CENPI: variants seen among roughly 807,000 people sequenced by gnomAD.
The protein encoded by CENPI is centromere protein I.
CENPI carries 4 observed loss-of-function variants against 60.4 expected under a neutral mutation model. The ratio of observed to expected loss-of-function variants is 0.07; its 90% CI spans 0.03 to 0.15. CENPI has a LOEUF of 0.15. CENPI is among the 10% of genes least tolerant of loss of function. CENPI has a pLI of 1.00. For missense variants in CENPI, 444 were observed against 534.5 expected (o/e 0.83, Z 1.67); for synonymous variants, 157 against 189.4 (o/e 0.83, Z 1.40).
At position 101,102,492 on chromosome X, in the gene CENPI, T is replaced by TACACACACACACACAC. The variant is rs199742109; in HGVS notation, c.364+82_364+83insCACACACACACACACA. On this transcript the variant is annotated intron_variant, in intron 4 of 21. Transcript: ENST00000682095. ...TTCTTTTAAAAATAAATCTTATATATATATACACACACACACACACACACA... is the reference window on the plus strand; with the variant it reads ...TTCTTTTAAAAATAAATCTTATATATACACACACACACACACATATACACACACACACACACACACA... The TACACACACACACACAC allele has an allele frequency of 2.0e-3, 591 of 301,006 alleles. 21 individuals carry two copies. The highest frequency in any genetic ancestry group is 2.8e-3 in the South Asian group (38 of 13,369). The allele number at this position is 301,006 out of a possible 1,213,427, so 24.8% of individuals were successfully genotyped here.
rs957837522 is a variant in CENPI at position 101,098,427 on chromosome X, C to T, written c.-109-17C>T. ...CTGGGTGGGGTCAGAAGCTGCTCCC[C>T]TGCCCTTCTTTCCTAGGAACCTAGG... On this transcript the variant is annotated splice_polypyrimidine_tract_variant and intron_variant, in intron 1 of 21. Coordinates refer to ENST00000682095, the MANE Select transcript of CENPI (RefSeq NM_001386188.2). The T allele has an allele frequency of 9.0e-6, 1 of 111,171 alleles. No homozygotes were observed. The highest frequency in any genetic ancestry group is 1.9e-5 in the Non-Finnish European group (1 of 53,049). 9.2% of individuals were successfully genotyped at this position (111,171 alleles called of 1,213,427 possible). A position where few individuals can be genotyped will look rare whatever the true frequency, so the allele number is the denominator to read the frequency against.
chrX:101,179,308 T>C, the CENPI span, among the ~76,000 whole-genome samples: 1 of 112,488 alleles, frequency 8.9e-6, no homozygotes, highest in East Asian at 2.8e-4. Flanking sequence ...TCACTTAGCA[T>C]GATGTTTTCA....
At chrX:101,179,363 T>A in the CENPI span, among the ~76,000 whole-genome samples, 3 of 112,835 alleles carry the variant, frequency 2.7e-5, no homozygotes, top group Non-Finnish European at 5.6e-5. Flanking sequence ...CATTCCTTTT[T>A]ATGGCTGAAT....
At chrX:101,128,922 C>T in intron 12 of CENPI, 86 bp downstream of exon 12, 3 of 776,226 alleles carry the variant, frequency 3.9e-6, no homozygotes, top group Non-Finnish European at 5.7e-6. Context: ...CAGGAGCCTT[C>T]ATATGCTGTA....
At chrX:101,161,401 C>A in intron 20 of CENPI, 127 bp from the exon 21 acceptor site, 1 of 546,180 alleles carries the variant, frequency 1.8e-6, no homozygotes, top group Non-Finnish European at 3.1e-6. Context: ...TAGAACTTTG[C>A]AAATGAGCAA....
Position 101,145,156 on chromosome X carries a change from A to G in CENPI, c.1658A>G (p.Asn553Ser). The part of the protein sequence containing the change: ...LSTTAMRLES[N>S]NTFLLHFILD... ...ACTACTGCAATGCGCTTGGAGAGCAACAATACTTTCTTGCTGCACTTTATT... is the reference window on the plus strand; with the variant it reads ...ACTACTGCAATGCGCTTGGAGAGCAGCAATACTTTCTTGCTGCACTTTATT... The change falls in exon 17 of 22, where the codon AAC (asparagine) becomes AGC (serine). Residue 553 changes from asparagine (N) to serine (S), a missense_variant. By Grantham distance (46) the Asn-to-Ser change is conservative (BLOSUM62 1). Coordinates refer to ENST00000682095, the MANE Select transcript of CENPI (RefSeq NM_001386188.2). 2 of 1,208,179 alleles carry G rather than the reference A, an allele frequency of 1.7e-6. No homozygotes were observed. Among genetic ancestry groups the G allele is most frequent in the East Asian group, 3.0e-5 (1 of 33,809 alleles).
At chrX:101,172,079 T>C in the CENPI span, among the ~76,000 whole-genome samples, 1 of 112,007 alleles carries the variant, frequency 8.9e-6, no homozygotes, top group East Asian at 2.8e-4. Context: ...AGTCATTAGG[T>C]AAATTCAAAT....
downstream of CENPI, among the ~76,000 whole-genome samples, chrX:101,169,068 ATC>A (rs1163389532): frequency 1.8e-5 from 2 of 112,270 alleles, no homozygotes; most frequent in East Asian, 5.6e-4. Context: ...CAATGATTGT[ATC>A]AATAAAGTAT....
rs1449860208 is a variant in CENPI at position 101,132,310 on chromosome X, A to G, written c.1405+3A>G. The stretch of plus-strand genomic sequence containing the variant: ...GATTCCTTTTAGTAGCTTCTCTGGT[A>G]TGTATCATGAAAATTTGGAGTCATT... On this transcript the variant is annotated splice_donor_region_variant and intron_variant, in intron 14 of 21. Transcript: ENST00000682095. 5 of 1,190,534 alleles carry G rather than the reference A, an allele frequency of 4.2e-6. No homozygotes were observed. The highest frequency in any genetic ancestry group is 5.7e-6 in the Non-Finnish European group (5 of 878,331).
rs768123006 is a variant in CENPI, at chrX:101,162,823, G to C, written c.2137-10G>C. On this transcript the variant is annotated splice_polypyrimidine_tract_variant and intron_variant, in intron 21 of 21. Transcript: ENST00000682095. Reference sequence around the variant, plus strand: ...TTCGATAAGTAATTTTCCTTTTTCTGTGCCTGCAGGGAAAGAAATGGAGCT... The same window carrying C: ...TTCGATAAGTAATTTTCCTTTTTCTCTGCCTGCAGGGAAAGAAATGGAGCT... 1.1e-5 allele frequency: 13 copies of C among 1,208,581 alleles called. No individual in the cohort carries two copies. Among genetic ancestry groups the C allele is most frequent in the Middle Eastern group, 2.3e-4 (1 of 4,347 alleles).
At chrX:101,122,526 C>T (rs1157212047) in intron 8 of CENPI, among the ~76,000 whole-genome samples, 3 of 111,490 alleles carry the variant, frequency 2.7e-5, no homozygotes, top group Non-Finnish European at 5.6e-5. Flanking sequence ...AAAAAATGTA[C>T]CTTTTCCCAT....
At chrX:101,115,453 G>A (rs1007537823) in intron 6 of CENPI, among the ~76,000 whole-genome samples, 2 of 110,037 alleles carry the variant, frequency 1.8e-5, no homozygotes, top group Admixed American at 2.0e-4. Flanking sequence ...AATTTATTTC[G>A]CATATCATAC....
At chrX:101,125,732 G>A (rs1213799033) in intron 8 of CENPI, among the ~76,000 whole-genome samples, 1 of 111,601 alleles carries the variant, frequency 9.0e-6, no homozygotes, top group Non-Finnish European at 1.9e-5. Flanking sequence ...TTTAAATGGG[G>A]CTTTGGGAGA....
At chrX:101,160,120 G>T (rs1408103546) in intron 20 of CENPI, among the ~76,000 whole-genome samples, 4 of 111,955 alleles carry the variant, frequency 3.6e-5, no homozygotes, top group Non-Finnish European at 5.6e-5. Flanking sequence ...AGGAGTCATG[G>T]CATATTTGTC....
In CENPI at chrX:101,102,650, C is replaced by T. The variant is rs767759498; in HGVS notation, c.364+239C>T. On this transcript the variant is annotated intron_variant, in intron 4 of 21. Transcript: ENST00000682095. Reference sequence around the variant, plus strand: ...TGCTGGGATTATAGGCTTGAGCCACCGCACCTGGCTCGAGGGGGATGTTGT... The same window carrying T: ...TGCTGGGATTATAGGCTTGAGCCACTGCACCTGGCTCGAGGGGGATGTTGT... Among the ~76,000 whole-genome samples, 4 of 107,800 alleles carry T rather than the reference C, an allele frequency of 3.7e-5. No individual in the cohort carries two copies. In the South Asian group the frequency reaches 1.2e-3, roughly 33 times the overall value. The allele number at this position is 107,800 out of a possible 115,157, so 93.6% of individuals were successfully genotyped here.
chrX:101,128,420 C>T (rs1313608698), intron 11 of CENPI, among the ~76,000 whole-genome samples: 2 of 111,590 alleles, frequency 1.8e-5, no homozygotes, highest in African/African-American at 3.3e-5. Flanking sequence ...ATCGCTTGAA[C>T]CTGGGAGGCA....
chrX:101,140,574 A>G, intron 15 of CENPI, 92 bp from the exon 16 acceptor site: 1 of 622,892 alleles, frequency 1.6e-6, no homozygotes, highest in Admixed American at 2.6e-5. Flanking sequence ...GGTCATCTCC[A>G]TGGTCCTTTT....
chrX:101,168,266 G>A (rs990848130), downstream of CENPI, among the ~76,000 whole-genome samples: 7 of 112,547 alleles, frequency 6.2e-5, no homozygotes, highest in Non-Finnish European at 1.3e-4. Flanking sequence ...AAACAGTAAT[G>A]AATGGAAACC....
chrX:101,140,132 A>G (rs772913879), intron 15 of CENPI, among the ~76,000 whole-genome samples: 31 of 112,267 alleles, frequency 2.8e-4, no homozygotes, highest in Non-Finnish European at 5.1e-4. Context: ...CACCGCACCC[A>G]GCCCATCATT....
Sources: allele counts gnomAD v4.1 joint callset (sites outside exome capture counted in the v4.1 genomes callset), GRCh38; gene constraint gnomAD v4.1.1; transcripts MANE v1.5; gene names NCBI Gene and HGNC (gene_info 2026-07-23, HGNC 2026-07-21).